The following CEP63 variants were observed in gnomAD, a reference collection of about 807,000 sequenced individuals.
CEP63 encodes centrosomal protein 63, also known as centrosomal protein of 63 kDa.
CEP63 carries 84 observed loss-of-function variants against 89.1 expected under a neutral mutation model. That is an observed-to-expected ratio of 0.94 (90% CI 0.79 to 1.13). The LOEUF (loss-of-function observed/expected upper bound fraction) is 1.13. Ranked by LOEUF, CEP63 falls within the 50% of genes most tolerant of loss-of-function variation. The pLI is 0.00. For missense variants in CEP63, 838 were observed against 813.3 expected, an observed-to-expected ratio of 1.03 and a Z score of -0.37; for synonymous variants, 267 against 272.5, an observed-to-expected ratio of 0.98 and a Z score of 0.20.
chr3:134,535,025 C>T (rs1271112370), intron 5 of CEP63, among the ~76,000 whole-genome samples: 1 of 152,100 alleles, frequency 6.6e-6, no homozygotes, highest in African/African-American at 2.4e-5. Context: ...CTTAGCAGTT[C>T]ACCTTCTCTT....
chr3:134,629,568 G>C, the CEP63 span: 1 of 1,422,958 alleles, frequency 7.0e-7, no homozygotes, highest in East Asian at 2.5e-5. Context: ...CCAACCAGCT[G>C]CCTTCAATCC....
the CEP63 span, among the ~76,000 whole-genome samples, chr3:134,699,733 C>T: frequency 1.3e-5 from 2 of 152,214 alleles, no homozygotes; most frequent in Non-Finnish European, 2.9e-5. Context: ...TTCAAGCTTT[C>T]AAGGATGGAT....
intron 6 of CEP63, among the ~76,000 whole-genome samples, chr3:134,541,435 G>T (rs939410870): frequency 6.6e-6 from 1 of 150,652 alleles, no homozygotes; most frequent in African/African-American, 2.4e-5. Context: ...ATAATTTACT[G>T]ACTATTACAT....
the CEP63 span, among the ~76,000 whole-genome samples, chr3:134,601,649 G>T: frequency 6.6e-6 from 1 of 152,246 alleles, no homozygotes; most frequent in Admixed American, 6.5e-5. Flanking sequence ...GGCTGGCTGG[G>T]TGGCCTCGGT....
At chr3:134,672,172 C>T in the CEP63 span, among the ~76,000 whole-genome samples, 7 of 152,230 alleles carry the variant, frequency 4.6e-5, no homozygotes, top group East Asian at 1.3e-3. Context: ...ATACTATCAC[C>T]CAGTCACTGC....
At chr3:134,527,304 T>C (rs1190696496) in intron 3 of CEP63, among the ~76,000 whole-genome samples, 26 of 152,220 alleles carry the variant, frequency 1.7e-4, no homozygotes, top group Admixed American at 1.7e-3. Flanking sequence ...CAGTTGCAGG[T>C]CTGTGTGCCT....
the CEP63 span, among the ~76,000 whole-genome samples, chr3:134,599,820 A>AT: frequency 3.9e-5 from 6 of 152,136 alleles, no homozygotes; most frequent in East Asian, 9.6e-4. Context: ...TGGGACATTG[A>AT]TTTTTTTCTA....
rs1159319415 is a variant in CEP63 at position 134,531,830 on chromosome 3, C to A, written c.223-15C>A. Reference sequence around the variant, plus strand: ...ATGCTAATAGTGAAAAATACTACCACCTTTCTGCTTTTAGGTTGGAATGTT... The same window carrying A: ...ATGCTAATAGTGAAAAATACTACCAACTTTCTGCTTTTAGGTTGGAATGTT... On this transcript the variant is annotated splice_polypyrimidine_tract_variant and intron_variant, in intron 3 of 14. Transcript: ENST00000675561. 1.9e-6 allele frequency: 3 copies of A among 1,586,502 alleles called. No homozygotes were observed. The highest frequency in any genetic ancestry group is 2.6e-6 in the Non-Finnish European group (3 of 1,155,280).
chr3:134,766,915 C>T, the CEP63 span, among the ~76,000 whole-genome samples: 1 of 152,336 alleles, frequency 6.6e-6, no homozygotes, highest in South Asian at 2.1e-4. Context: ...CTGTTTTTAA[C>T]AACTGGCTTG....
At chr3:134,764,153 A>G in the CEP63 span, among the ~76,000 whole-genome samples, 1 of 152,334 alleles carries the variant, frequency 6.6e-6, no homozygotes, top group Admixed American at 6.5e-5. Flanking sequence ...AGTTTGCCTC[A>G]ATGCCAAGTA....
At chr3:134,610,236 GC>G in the CEP63 span, 1 of 1,613,874 alleles carries the variant, frequency 6.2e-7, no homozygotes, top group Non-Finnish European at 8.5e-7. Context: ...CCAGGCCGCT[GC>G]CCCAGGTGCT....
chr3:134,602,515 C>A, the CEP63 span, among the ~76,000 whole-genome samples: 1 of 152,210 alleles, frequency 6.6e-6, no homozygotes, highest in Non-Finnish European at 1.5e-5. Context: ...CCAGCCCTGG[C>A]TTTGCTGGTA....
At chr3:134,705,289 A>G in the CEP63 span, among the ~76,000 whole-genome samples, 2 of 152,164 alleles carry the variant, frequency 1.3e-5, no homozygotes, top group African/African-American at 4.8e-5. Flanking sequence ...ATGGTGGAGA[A>G]AGTCAAAGGG....
chr3:134,716,857 C>T, the CEP63 span, among the ~76,000 whole-genome samples: 11 of 151,598 alleles, frequency 7.3e-5, no homozygotes, highest in African/African-American at 1.5e-4. Flanking sequence ...CTAGGCAGGA[C>T]GCTCAAATCT....
the CEP63 span, among the ~76,000 whole-genome samples, chr3:134,686,761 T>G: frequency 6.6e-6 from 1 of 152,180 alleles, no homozygotes; most frequent in African/African-American, 2.4e-5. Flanking sequence ...GTTTGTAGTC[T>G]CATGTGAGCC....
the CEP63 span, among the ~76,000 whole-genome samples, chr3:134,775,667 T>G: frequency 6.6e-6 from 1 of 151,952 alleles, no homozygotes; most frequent in South Asian, 2.1e-4. Flanking sequence ...GATTCTGGGG[T>G]AGAGAATGGG....
the CEP63 span, among the ~76,000 whole-genome samples, chr3:134,741,352 GC>G: frequency 3.3e-5 from 5 of 152,148 alleles, no homozygotes; most frequent in Non-Finnish European, 7.3e-5. Flanking sequence ...AAGAGCCGAG[GC>G]CCCCTCATTC....
chr3:134,662,950 A>G, the CEP63 span, among the ~76,000 whole-genome samples: 4 of 152,152 alleles, frequency 2.6e-5, no homozygotes, highest in African/African-American at 7.2e-5. Flanking sequence ...TCTGGCCAGA[A>G]TTTGCCAGGT....
chr3:134,501,612 T>C (rs551182707), intron 2 of CEP63, among the ~76,000 whole-genome samples: 4 of 152,314 alleles, frequency 2.6e-5, no homozygotes, highest in Admixed American at 2.6e-4. Context: ...ATTGTGTTCT[T>C]GATTCAGTAC....
Sources: gnomAD v4.1 joint callset for allele counts (sites outside exome capture counted in the v4.1 genomes callset) on GRCh38, gnomAD v4.1.1 for gene constraint, MANE v1.5 for transcripts, NCBI Gene and HGNC (gene_info 2026-07-23, HGNC 2026-07-21) for gene names.